The following RGL1 variants were observed in gnomAD, a reference collection of about 807,000 sequenced individuals.
The protein encoded by RGL1 is ral guanine nucleotide dissociation stimulator-like 1.
RGL1 carries 24 observed loss-of-function variants against 95.2 expected under a neutral mutation model. The observed-to-expected ratio is 0.25, with a 90% CI of 0.18 to 0.35. The LOEUF is 0.35. Among genes scored for constraint, RGL1 ranks in the 10% least tolerant of loss-of-function variants. The pLI is 1.00. For missense variants in RGL1, 715 were observed against 936.3 expected (o/e 0.76, Z 3.08); for synonymous variants, 329 against 344.9 (o/e 0.95, Z 0.51).
intron 1 of RGL1, among the ~76,000 whole-genome samples, chr1:183,663,231 G>T (rs1651774333): frequency 6.6e-6 from 1 of 151,992 alleles, no homozygotes; most frequent in Admixed American, 6.6e-5. Context: ...TTAAACTAAA[G>T]AGTTTTTGCA....
chr1:183,786,150 C>T (rs2102366484), intron 2 of RGL1, among the ~76,000 whole-genome samples: 1 of 151,860 alleles, frequency 6.6e-6, no homozygotes, highest in East Asian at 1.9e-4. Context: ...ACCTGTAATC[C>T]CAGCACTTTG....
intron 2 of RGL1, among the ~76,000 whole-genome samples, chr1:183,829,997 G>A (rs1468303153): frequency 6.6e-6 from 1 of 152,108 alleles, no homozygotes; most frequent in Non-Finnish European, 1.5e-5. Context: ...GCTTCATGAG[G>A]ATAGGGAGTG....
In RGL1 at chr1:183,926,227, T is replaced by C; in HGVS notation, c.2242T>C (p.Leu748=). 1 of 1,613,996 alleles carries C rather than the reference T, an allele frequency of 6.2e-7. No homozygotes were observed. Among genetic ancestry groups the C allele is most frequent in the Non-Finnish European group, 8.5e-7 (1 of 1,179,924 alleles). ...AGTGAAACTGCGTAGCCGGACCAGC[T>C]TGACGTTGCCCAGGACAGCTAAACG... is the stretch of plus-strand genomic sequence containing the variant. The part of the protein sequence containing the change: ...EQVKLRSRTS[L]TLPRTAKRGC... The change falls in exon 18 of 18, where the codon TTG becomes CTG. Residue 748 remains leucine, a synonymous_variant. Transcript: ENST00000360851.
rs975974442 is a variant in RGL1 at position 183,797,186 on chromosome 1, G to T, written c.133-9189G>T. 1.3e-5 allele frequency among the ~76,000 whole-genome samples: 2 copies of T among 152,214 alleles called. 1 individual carries two copies. The highest frequency in any genetic ancestry group is 4.2e-4 in the South Asian group (2 of 4,806). On this transcript the variant is annotated intron_variant, in intron 2 of 18. Coordinates refer to the RGL1 transcript ENST00000304685. Reference sequence around the variant, plus strand: ...CTCTATAAAAAATACAAAATTAGCCGGGCGTGGTGGTGGGCACATGTGATC... The same window carrying T: ...CTCTATAAAAAATACAAAATTAGCCTGGCGTGGTGGTGGGCACATGTGATC...
intron 2 of RGL1, among the ~76,000 whole-genome samples, chr1:183,844,242 A>G (rs1265472345): frequency 6.6e-6 from 1 of 152,252 alleles, no homozygotes; most frequent in African/African-American, 2.4e-5. Context: ...TTTTGTATTA[A>G]TAAAGAGATC....
Position 183,926,950 on chromosome 1 carries a change from G to C in RGL1, c.*658G>C, listed in dbSNP as rs1255444604. 1 of 152,660 alleles carries C rather than the reference G, an allele frequency of 6.6e-6. No homozygotes were observed. Among genetic ancestry groups the C allele is most frequent in the Non-Finnish European group, 1.5e-5 (1 of 68,100 alleles). The allele number at this position is 152,660 out of a possible 1,614,324, so 9.5% of individuals were successfully genotyped here. ...CCTCTGCCTGCATCTGCCACTTTCT[G>C]CTACCCTAGGGAGGCCAGGAGGAGC... On this transcript the variant is annotated 3_prime_UTR_variant, in exon 18 of 18. Coordinates refer to ENST00000360851, the MANE Select transcript of RGL1 (RefSeq NM_001297671.3).
intron 7 of RGL1, among the ~76,000 whole-genome samples, chr1:183,886,789 C>A (rs1289129369): frequency 6.6e-6 from 1 of 152,006 alleles, no homozygotes; most frequent in African/African-American, 2.4e-5. Context: ...TCATCGTAGT[C>A]AATTTCTATT....
intron 4 of RGL1, among the ~76,000 whole-genome samples, chr1:183,880,360 C>G (rs1666753101): frequency 7.6e-6 from 1 of 131,586 alleles, no homozygotes; most frequent in African/African-American, 2.9e-5. Flanking sequence ...AAAGTTTAGC[C>G]TCCTTAAAAC....
chr1:183,648,925 T>G, intron 1 of RGL1: 1 of 648,820 alleles, frequency 1.5e-6, no homozygotes, highest in East Asian at 2.7e-5. Flanking sequence ...AAGATAGTGA[T>G]ATATGCATAG....
At chr1:183,683,477 A>G (rs147569302) in intron 1 of RGL1, among the ~76,000 whole-genome samples, 1 of 152,172 alleles carries the variant, frequency 6.6e-6, no homozygotes, top group Admixed American at 6.5e-5. Flanking sequence ...TTCTTTAAGA[A>G]TGTTGAATAT....
intron 3 of RGL1, among the ~76,000 whole-genome samples, chr1:183,863,857 T>C (rs1237329806): frequency 3.9e-5 from 6 of 152,132 alleles, no homozygotes; most frequent in Non-Finnish European, 7.4e-5. Context: ...TGAGAAACTG[T>C]AGACACTCTG....
chr1:183,770,795 C>G (rs896900803), intron 2 of RGL1, among the ~76,000 whole-genome samples: 4 of 152,042 alleles, frequency 2.6e-5, no homozygotes, highest in Non-Finnish European at 4.4e-5. Flanking sequence ...TGGTTGGTTT[C>G]CTGAGAAAGG....
intron 1 of RGL1, among the ~76,000 whole-genome samples, chr1:183,671,927 AT>A (rs562902094): frequency 7.9e-4 from 110 of 139,456 alleles, no homozygotes; most frequent in Middle Eastern, 3.4e-3. Flanking sequence ...CTTACCTTTG[AT>A]TTTTTTTTTC....
At chr1:183,887,004 A>G (rs12564891) in intron 7 of RGL1, among the ~76,000 whole-genome samples, 34,932 of 151,436 alleles carry the variant, frequency 0.23, 4,220 homozygotes, top group East Asian at 0.4. Context: ...GTTTATTTCA[A>G]TTTGCATGAT....
At chr1:183,648,614 A>G (rs1236368954) in intron 1 of RGL1, 4 of 1,614,242 alleles carry the variant, frequency 2.5e-6, no homozygotes, top group Non-Finnish European at 2.5e-6. Flanking sequence ...ATGTTGTCCC[A>G]TAAGGGAATC....
chr1:183,897,968 G>A, intron 10 of RGL1, 71 bp downstream of exon 10: 2 of 1,269,602 alleles, frequency 1.6e-6, no homozygotes, highest in Non-Finnish European at 2.3e-6. Flanking sequence ...GCTCCCACAT[G>A]GCACTGGCAC....
chr1:183,737,758 CCAAA>C lies in RGL1; in HGVS notation c.-32-4364_-32-4361del, dbSNP rs546812004. Among the ~76,000 whole-genome samples, 32 of 152,126 alleles carry C rather than the reference CCAAA, an allele frequency of 2.1e-4. No individual in the cohort carries two copies. The South Asian group carries it at 6.4e-3, about 31-fold the overall frequency. ...TCCTTTTACAATTACAAAAAAATTCCCAAACAATTTTCTTTTTTAATTTTTGAGA... is the reference window on the plus strand; with the variant it reads ...TCCTTTTACAATTACAAAAAAATTCCCAATTTTCTTTTTTAATTTTTGAGA... On this transcript the variant is annotated intron_variant, in intron 1 of 18. Transcript: ENST00000304685.
chr1:183,918,336 A>G (rs1290211477), intron 16 of RGL1, among the ~76,000 whole-genome samples: 1 of 152,076 alleles, frequency 6.6e-6, no homozygotes, highest in Non-Finnish European at 1.5e-5. Flanking sequence ...GGGAGGGGCT[A>G]ATAAAGGAGC....
chr1:183,689,156 T>C (rs1408160056), intron 1 of RGL1, among the ~76,000 whole-genome samples: 4 of 152,182 alleles, frequency 2.6e-5, no homozygotes, highest in Non-Finnish European at 5.9e-5. Flanking sequence ...TGGATTTGGA[T>C]TGGATTTCCA....
Sources: gnomAD v4.1 joint callset for allele counts (sites outside exome capture counted in the v4.1 genomes callset) on GRCh38, gnomAD v4.1.1 for gene constraint, MANE v1.5 for transcripts, NCBI Gene and HGNC (gene_info 2026-07-23, HGNC 2026-07-21) for gene names.